TYW1: variants seen among roughly 807,000 people sequenced by gnomAD.
TYW1 encodes the protein tRNA-yW synthesizing protein 1 homolog, also known as S-adenosyl-L-methionine-dependent tRNA 4-demethylwyosine synthase TYW1.
In TYW1, 46 loss-of-function variants were observed where a neutral mutation model predicts 96.2. The observed-to-expected ratio is 0.48, with a 90% CI of 0.38 to 0.61. The LOEUF is 0.61. Ranked by LOEUF, TYW1 falls within the 20% of genes least tolerant of loss-of-function variation. The pLI is 0.00. For missense variants in TYW1, 684 were observed against 909.6 expected (o/e 0.75, Z 3.19); for synonymous variants, 274 against 323.0 (o/e 0.85, Z 1.63).
intron 6 of TYW1, among the ~76,000 whole-genome samples, chr7:67,022,066 A>C (rs1794297298): frequency 6.6e-6 from 1 of 152,110 alleles, no homozygotes; most frequent in Non-Finnish European, 1.5e-5. Flanking sequence ...ATGCACCATC[A>C]TGCCCAGCTA....
chr7:67,170,577 T>C (rs1048158848), intron 13 of TYW1, among the ~76,000 whole-genome samples: 15 of 152,168 alleles, frequency 9.9e-5, no homozygotes, highest in African/African-American at 3.6e-4. Flanking sequence ...ACATTTACAG[T>C]CTTGTGTAAT....
chr7:67,067,814 CTT>C (rs1248075490), intron 10 of TYW1, among the ~76,000 whole-genome samples: 3 of 151,738 alleles, frequency 2.0e-5, no homozygotes, highest in Non-Finnish European at 4.4e-5. Context: ...GCTTGGGTGT[CTT>C]TTTATTGGAG....
intron 11 of TYW1, among the ~76,000 whole-genome samples, chr7:67,090,359 C>G (rs1337485945): frequency 6.6e-6 from 1 of 152,132 alleles, no homozygotes; most frequent in Non-Finnish European, 1.5e-5. Context: ...TATTTCTGAT[C>G]GGCCCAAACT....
intron 7 of TYW1, among the ~76,000 whole-genome samples, chr7:67,039,962 ATT>A (rs1234824700): frequency 7.4e-6 from 1 of 135,618 alleles, no homozygotes; most frequent in Admixed American, 7.4e-5. Flanking sequence ...TGCCTGGTCT[ATT>A]TTTTTTTTTT....
chr7:67,088,633 AG>A (rs1796619401), intron 11 of TYW1, among the ~76,000 whole-genome samples: 1 of 152,222 alleles, frequency 6.6e-6, no homozygotes, highest in South Asian at 2.1e-4. Context: ...GCATGATCAT[AG>A]CTCACTGCAG....
At chr7:67,002,906 T>TG (rs1793454877) in intron 3 of TYW1, among the ~76,000 whole-genome samples, 1 of 149,068 alleles carries the variant, frequency 6.7e-6, no homozygotes, top group Admixed American at 6.8e-5. Context: ...CAGGCTGGAG[T>TG]GCAGTGGCAT....
At chr7:67,200,938 AG>A (rs1202531573) in intron 15 of TYW1, among the ~76,000 whole-genome samples, 1 of 152,160 alleles carries the variant, frequency 6.6e-6, no homozygotes, top group Non-Finnish European at 1.5e-5. Context: ...GGATGGCTGA[AG>A]GTCAAGAGAA....
intron 7 of TYW1, among the ~76,000 whole-genome samples, chr7:67,045,948 A>G (rs1013731705): frequency 2.0e-5 from 3 of 152,226 alleles, no homozygotes; most frequent in African/African-American, 7.2e-5. Flanking sequence ...GGATGTATAT[A>G]GAAGCCAATA....
intron 15 of TYW1, among the ~76,000 whole-genome samples, chr7:67,208,283 C>T (rs1322283719): frequency 4.0e-5 from 6 of 151,682 alleles, no homozygotes; most frequent in East Asian, 2.0e-4. Flanking sequence ...ATTGTGCCAC[C>T]GCACCCCAGC....
chr7:67,024,406 G>A (rs1156840788), intron 6 of TYW1, among the ~76,000 whole-genome samples: 1 of 152,084 alleles, frequency 6.6e-6, no homozygotes, highest in Admixed American at 6.6e-5. Context: ...AGGTTTCAAA[G>A]TCCTCCCATC....
chr7:67,012,729 T>G (rs1793856630), intron 4 of TYW1, among the ~76,000 whole-genome samples: 1 of 152,000 alleles, frequency 6.6e-6, no homozygotes. Context: ...CTGTAATGGG[T>G]CAAGGTCAAA....
chr7:67,096,655 T>G (rs999672268), intron 11 of TYW1, among the ~76,000 whole-genome samples: 22 of 151,692 alleles, frequency 1.5e-4, no homozygotes, highest in African/African-American at 4.9e-4. Context: ...CATGGGGGTT[T>G]GTTGTACAGA....
chr7:67,034,152 G>A (rs941796293), intron 7 of TYW1, among the ~76,000 whole-genome samples: 10 of 149,578 alleles, frequency 6.7e-5, no homozygotes, highest in South Asian at 2.1e-4. Context: ...TGCCCAGGCC[G>A]GAGTGCAGTG....
intron 13 of TYW1, among the ~76,000 whole-genome samples, chr7:67,120,428 A>G (rs1298656450): frequency 1.3e-5 from 2 of 152,176 alleles, no homozygotes; most frequent in Non-Finnish European, 2.9e-5. Context: ...AGAGATTTGT[A>G]AAGTACCATA....
intron 10 of TYW1, among the ~76,000 whole-genome samples, chr7:67,072,753 G>A (rs1484577110): frequency 2.0e-5 from 3 of 151,662 alleles, no homozygotes; most frequent in Admixed American, 2.0e-4. Flanking sequence ...AAATAATAAG[G>A]TCTGTTAAAA....
intron 13 of TYW1, among the ~76,000 whole-genome samples, chr7:67,139,220 T>G (rs1246801331): frequency 2.6e-5 from 4 of 151,998 alleles, no homozygotes; most frequent in African/African-American, 4.8e-5. Flanking sequence ...CCCGGCTAAT[T>G]TTTGTATTTT....
intron 13 of TYW1, among the ~76,000 whole-genome samples, chr7:67,129,016 A>G (rs1435537372): frequency 6.6e-6 from 1 of 152,038 alleles, no homozygotes; most frequent in Non-Finnish European, 1.5e-5. Flanking sequence ...GTGAGGCTGT[A>G]CCCCTGGACT....
chr7:67,021,037 T>A (rs940938097), intron 6 of TYW1, among the ~76,000 whole-genome samples: 4 of 152,254 alleles, frequency 2.6e-5, no homozygotes, highest in Admixed American at 6.5e-5. Context: ...CCAAAAAAAA[T>A]AAAAAACAAA....
At position 67,013,667 on chromosome 7, in the gene TYW1, G is replaced by A. The variant is rs539284044; in HGVS notation, c.376-700G>A. 2.0e-5 allele frequency among the ~76,000 whole-genome samples: 3 copies of A among 151,696 alleles called. No homozygotes were observed. The East Asian group carries it at 5.8e-4, about 29-fold the overall frequency. On this transcript the variant is annotated intron_variant, in intron 4 of 15. Transcript: ENST00000359626. ...GTTTTCTCTTAAGGTTTGAAACTCA[G>A]GTGCCTTATTTTCCCCCAGTGTGTT... is the stretch of plus-strand genomic sequence containing the variant.
Sources: allele counts gnomAD v4.1 joint callset (sites outside exome capture counted in the v4.1 genomes callset), GRCh38; gene constraint gnomAD v4.1.1; transcripts MANE v1.5; gene names NCBI Gene and HGNC (gene_info 2026-07-23, HGNC 2026-07-21).